The following MAF variants were observed in gnomAD, a reference collection of about 807,000 sequenced individuals.
The protein encoded by MAF is transcription factor Maf.
A neutral mutation model predicts 22.0 loss-of-function variants in MAF; 10 were observed. The observed-to-expected ratio is 0.45, with a 90% CI of 0.28 to 0.77. The LOEUF is 0.77. Among genes scored for constraint, MAF ranks in the 30% least tolerant of loss-of-function variants. MAF has a pLI of 0.12. For synonymous variants in MAF, 337 were observed against 255.8 expected (o/e 1.32, Z -3.03); for missense variants, 544 against 548.4 (o/e 0.99, Z 0.08).
chr16:79,331,719 C>T, the MAF span, among the ~76,000 whole-genome samples: 2 of 152,146 alleles, frequency 1.3e-5, no homozygotes, highest in African/African-American at 4.8e-5. Context: ...TGCTATGGCT[C>T]CACATTTCCA....
At chr16:79,325,772 G>A in the MAF span, among the ~76,000 whole-genome samples, 100 of 152,300 alleles carry the variant, frequency 6.6e-4, 1 homozygote, top group South Asian at 1.9e-3. Flanking sequence ...ACTAGCTTTT[G>A]TCTTATTCAT....
At chr16:79,522,899 T>C in the MAF span, among the ~76,000 whole-genome samples, 36,675 of 152,010 alleles carry the variant, frequency 0.24, 4,711 homozygotes, top group East Asian at 0.32. Context: ...AGTGCTGGCA[T>C]ATCCCTGAGA....
chr16:79,380,189 C>A, the MAF span, among the ~76,000 whole-genome samples: 1 of 152,124 alleles, frequency 6.6e-6, no homozygotes. Flanking sequence ...TGGCTAAATG[C>A]AATTTGGGTT....
chr16:79,512,271 G>A, the MAF span, among the ~76,000 whole-genome samples: 1 of 152,172 alleles, frequency 6.6e-6, no homozygotes, highest in African/African-American at 2.4e-5. Flanking sequence ...TTAAGGCAGA[G>A]CCCCTTTCAA....
chr16:79,362,904 C>T, the MAF span, among the ~76,000 whole-genome samples: 1 of 152,176 alleles, frequency 6.6e-6, no homozygotes, highest in African/African-American at 2.4e-5. Context: ...CTGTTATATA[C>T]TGGTATATCC....
At chr16:79,273,899 A>G in the MAF span, among the ~76,000 whole-genome samples, 1 of 150,646 alleles carries the variant, frequency 6.6e-6, no homozygotes, top group Non-Finnish European at 1.5e-5. Context: ...TCTGTCTGCC[A>G]TAGCTGGAGG....
At chr16:79,581,885 T>C (rs928958093), downstream of MAF, among the ~76,000 whole-genome samples, 1 of 152,212 alleles carries the variant, frequency 6.6e-6, no homozygotes, top group African/African-American at 2.4e-5. Flanking sequence ...CTATTGACAA[T>C]ACCTGTAAAT....
the MAF span, among the ~76,000 whole-genome samples, chr16:79,210,281 T>C: frequency 1.3e-5 from 2 of 152,194 alleles, no homozygotes; most frequent in African/African-American, 4.8e-5. Context: ...TTATGGCAGA[T>C]TCTTCACGTC....
the MAF span, among the ~76,000 whole-genome samples, chr16:79,288,185 C>T: frequency 6.6e-6 from 1 of 152,180 alleles, no homozygotes; most frequent in Non-Finnish European, 1.5e-5. Context: ...TAATGATGCT[C>T]ACAAGTTCTT....
At chr16:79,289,876 G>A in the MAF span, among the ~76,000 whole-genome samples, 34 of 14,960 alleles carry the variant, frequency 2.3e-3, no homozygotes, top group African/African-American at 5.7e-3. Flanking sequence ...TTTGTGAGAC[G>A]GAGTCTTGCT....
chr16:79,506,556 G>A, the MAF span, among the ~76,000 whole-genome samples: 6 of 152,298 alleles, frequency 3.9e-5, no homozygotes, highest in African/African-American at 1.4e-4. Flanking sequence ...ACCAGGGCTG[G>A]TAGATAAAAA....
chr16:79,369,457 T>G, the MAF span, among the ~76,000 whole-genome samples: 32 of 152,346 alleles, frequency 2.1e-4, no homozygotes, highest in African/African-American at 6.5e-4. Flanking sequence ...CTAGTTCTGC[T>G]CTTCTCTTTG....
At chr16:79,335,877 G>C in the MAF span, among the ~76,000 whole-genome samples, 6 of 152,192 alleles carry the variant, frequency 3.9e-5, no homozygotes, top group African/African-American at 7.2e-5. Flanking sequence ...AGCCCGGTGA[G>C]GTTGGACCTG....
At chr16:79,234,544 G>C in the MAF span, among the ~76,000 whole-genome samples, 2 of 152,070 alleles carry the variant, frequency 1.3e-5, no homozygotes, top group African/African-American at 4.8e-5. Flanking sequence ...TGCAATCTGA[G>C]TTAGATTCAT....
At chr16:79,594,639 A>ATT in intron 1 of MAF, 86 bp from the exon 2 acceptor site, 4 of 1,306,584 alleles carry the variant, frequency 3.1e-6, no homozygotes, top group East Asian at 5.6e-5. Flanking sequence ...TCCTCATATG[A>ATT]TTTTTTTTTT....
chr16:79,301,110 G>T, the MAF span, among the ~76,000 whole-genome samples: 2 of 152,110 alleles, frequency 1.3e-5, no homozygotes, highest in Non-Finnish European at 2.9e-5. Context: ...AGGTAGGGAG[G>T]AAAGGAAACT....
At chr16:79,330,995 T>C in the MAF span, among the ~76,000 whole-genome samples, 11 of 152,136 alleles carry the variant, frequency 7.2e-5, no homozygotes, top group Admixed American at 6.5e-4. Context: ...TAAGAAGCCA[T>C]GTAAAGCTGT....
the MAF span, among the ~76,000 whole-genome samples, chr16:79,344,884 C>T: frequency 3.3e-5 from 5 of 152,112 alleles, no homozygotes; most frequent in Non-Finnish European, 7.4e-5. Context: ...TTTAGAGAGG[C>T]AAATCCTCAT....
the MAF span, among the ~76,000 whole-genome samples, chr16:79,438,641 G>C: frequency 1.3e-5 from 2 of 152,094 alleles, no homozygotes; most frequent in Non-Finnish European, 2.9e-5. Flanking sequence ...CAGAGAGGGC[G>C]GATCAGTTTT....
Sources: gnomAD v4.1 joint callset for allele counts (sites outside exome capture counted in the v4.1 genomes callset) on GRCh38, gnomAD v4.1.1 for gene constraint, MANE v1.5 for transcripts, NCBI Gene and HGNC (gene_info 2026-07-23, HGNC 2026-07-21) for gene names.